CAB39: variants seen among roughly 807,000 people sequenced by gnomAD.
CAB39 encodes calcium binding protein 39, also known as calcium-binding protein 39.
CAB39 carries 8 observed loss-of-function variants against 40.0 expected under a neutral mutation model. The ratio of observed to expected loss-of-function variants is 0.20; its 90% CI spans 0.12 to 0.36. The LOEUF (loss-of-function observed/expected upper bound fraction) is 0.36, where lower values mean the gene tolerates loss of function less well. CAB39 is among the 10% of genes least tolerant of loss of function. CAB39 has a pLI of 1.00. For synonymous variants in CAB39, 156 were observed against 141.6 expected (o/e 1.10, Z -0.72); for missense variants, 270 against 401.1 (o/e 0.67, Z 2.79).
chr2:230,778,186 A>C (rs1695627302), intron 2 of CAB39, among the ~76,000 whole-genome samples: 1 of 152,180 alleles, frequency 6.6e-6, no homozygotes, highest in South Asian at 2.1e-4. Context: ...GCTACTAACT[A>C]CTAAAAATTG....
In CAB39 at chr2:230,758,839, TC is replaced by T. The variant is rs1695240515; in HGVS notation, c.-43-1119del. ...AGGTTTTTCTAAAAAGTGTCATCTT[TC>T]GGTGTCTGATAGGAGACTGTTTAGT... On this transcript the variant is annotated intron_variant, in intron 1 of 8. Transcript: ENST00000258418. 2.0e-5 allele frequency among the ~76,000 whole-genome samples: 3 copies of T among 152,184 alleles called. No individual in the cohort carries two copies. The South Asian group carries it at 6.2e-4, about 32-fold the overall frequency.
At chr2:230,725,105 T>C in intron 1 of CAB39, 3 of 1,609,398 alleles carry the variant, frequency 1.9e-6, no homozygotes, top group East Asian at 4.5e-5. Context: ...CTGCAAACTC[T>C]GGTTGAGGGC....
chr2:230,779,352 T>G (rs986680534), intron 2 of CAB39: 1 of 152,222 alleles, frequency 6.6e-6, no homozygotes, highest in Non-Finnish European at 1.5e-5. Context: ...ATGAAGCACT[T>G]CTCAGAAGCC....
chr2:230,767,963 G>A (rs1695416725), intron 2 of CAB39, among the ~76,000 whole-genome samples: 3 of 152,208 alleles, frequency 2.0e-5, no homozygotes, highest in African/African-American at 7.2e-5. Context: ...CCTACCGTGT[G>A]GCATTCCTCT....
At chr2:230,727,690 C>T (rs1694611558) in intron 1 of CAB39, among the ~76,000 whole-genome samples, 1 of 151,922 alleles carries the variant, frequency 6.6e-6, no homozygotes, top group Admixed American at 6.6e-5. Context: ...GTTGCGATTA[C>T]AGGTGTAAGC....
rs77230125 is a variant in CAB39 at position 230,771,234 on chromosome 2, T to A, written c.114+11119T>A. ...TACAGAAATCAGTTGTATTTCTGTA[T>A]AGTAGCAATGAACAGTCCAAAATTG... On this transcript the variant is annotated intron_variant, in intron 2 of 8. Transcript: ENST00000258418. 5.6e-4 allele frequency among the ~76,000 whole-genome samples: 85 copies of A among 152,196 alleles called. 7 individuals are homozygous for A. The East Asian group carries it at 0.016, about 29-fold the overall frequency.
intron 2 of CAB39, among the ~76,000 whole-genome samples, chr2:230,761,640 C>T (rs1416396967): frequency 6.6e-6 from 1 of 152,088 alleles, no homozygotes; most frequent in South Asian, 2.1e-4. Flanking sequence ...GTCCTGGCTT[C>T]GGTACCTATG....
At chr2:230,759,256 G>C (rs1285263285) in intron 1 of CAB39, among the ~76,000 whole-genome samples, 1 of 152,156 alleles carries the variant, frequency 6.6e-6, no homozygotes, top group Non-Finnish European at 1.5e-5. Context: ...GCCTGAATAA[G>C]ATGGGTGTGC....
chr2:230,782,467 C>CT (rs1000739275), intron 2 of CAB39, among the ~76,000 whole-genome samples: 23 of 150,986 alleles, frequency 1.5e-4, no homozygotes, highest in Admixed American at 6.6e-4. Context: ...TTTACCTCAT[C>CT]TTTTTTTTTC....
Position 230,757,320 on chromosome 2 carries a change from T to A in CAB39, c.-43-2639T>A, listed in dbSNP as rs190936875. Among the ~76,000 whole-genome samples the A allele has an allele frequency of 1.3e-4, 20 of 152,124 alleles. 1 individual carries two copies. Among genetic ancestry groups the A allele is most frequent in the Admixed American group, 1.2e-3 (18 of 15,282 alleles). ...TATGTTGCCGAGGCTGGTCTCAAAC[T>A]CCTGACCTCAAGCAATTCACCCCAC... On this transcript the variant is annotated intron_variant, in intron 1 of 8. Transcript: ENST00000258418.
chr2:230,753,073 A>G (rs907189324), intron 1 of CAB39, among the ~76,000 whole-genome samples: 2 of 152,194 alleles, frequency 1.3e-5, no homozygotes, highest in Non-Finnish European at 2.9e-5. Context: ...AAGGACATCA[A>G]CATTGGAGTA....
rs1385940294 is a variant in CAB39, at chr2:230,770,372, AT to A, written c.114+10258del. ...CATTAAACTCAACAGCTTAGATGAA[AT>A]GGACAAACTCCAAAGACACAAATTG... On this transcript the variant is annotated intron_variant, in intron 2 of 8. Coordinates refer to ENST00000258418, the MANE Select transcript of CAB39 (RefSeq NM_016289.4). 2.6e-5 allele frequency among the ~76,000 whole-genome samples: 4 copies of A among 152,344 alleles called. No homozygotes were observed. The East Asian group carries it at 5.8e-4, about 22-fold the overall frequency.
At chr2:230,801,535 C>T (rs1202103259) in intron 5 of CAB39, among the ~76,000 whole-genome samples, 1 of 152,160 alleles carries the variant, frequency 6.6e-6, no homozygotes, top group African/African-American at 2.4e-5. Context: ...ACATGTGGCT[C>T]ATCCATAGCC....
At chr2:230,818,112 GAAGAGT>G (rs1696435698) in intron 8 of CAB39, 1 of 521,498 alleles carries the variant, frequency 1.9e-6, no homozygotes, top group Admixed American at 3.8e-5. Context: ...TTTGTTCATA[GAAGAGT>G]GTCATTTATC....
intron 4 of CAB39, among the ~76,000 whole-genome samples, chr2:230,795,008 G>A (rs547543598): frequency 2.6e-4 from 40 of 152,294 alleles, no homozygotes; most frequent in African/African-American, 8.4e-4. Flanking sequence ...TGGACATGGT[G>A]GCTCACGCCT....
At chr2:230,720,196 G>A (rs1326398102) in intron 1 of CAB39, among the ~76,000 whole-genome samples, 1 of 152,110 alleles carries the variant, frequency 6.6e-6, no homozygotes, top group Non-Finnish European at 1.5e-5. Context: ...ATTAACAAAA[G>A]GCAATGAGAG....
chr2:230,816,471 A>G (rs918723301), intron 7 of CAB39, among the ~76,000 whole-genome samples: 3 of 152,196 alleles, frequency 2.0e-5, no homozygotes, highest in African/African-American at 4.8e-5. Flanking sequence ...AGTTTTTCCT[A>G]TGAGTTCCTT....
chr2:230,725,034 G>A, intron 1 of CAB39: 1 of 1,325,940 alleles, frequency 7.5e-7, no homozygotes, highest in African/African-American at 1.5e-5. Context: ...GTACGTCGGA[G>A]GTGAGTACAA....
chr2:230,734,600 C>T (rs1694751513), intron 1 of CAB39, among the ~76,000 whole-genome samples: 1 of 152,178 alleles, frequency 6.6e-6, no homozygotes. Flanking sequence ...CTTCCCCTCT[C>T]ATTTGTTTAG....
Sources: allele counts gnomAD v4.1 joint callset (sites outside exome capture counted in the v4.1 genomes callset), GRCh38; gene constraint gnomAD v4.1.1; transcripts MANE v1.5; gene names NCBI Gene and HGNC (gene_info 2026-07-23, HGNC 2026-07-21).